The following CCDC93 variants were observed in gnomAD, a reference collection of about 807,000 sequenced individuals.
CCDC93 encodes CCC complex scaffolding subunit CCDC93, also known as coiled-coil domain-containing protein 93.
In CCDC93, 61 loss-of-function variants were observed where a neutral mutation model predicts 108.2. The ratio of observed to expected loss-of-function variants is 0.56; its 90% CI spans 0.46 to 0.70. CCDC93 has a LOEUF of 0.70. Ranked by LOEUF, CCDC93 falls within the 30% of genes least tolerant of loss-of-function variation. The pLI is 0.00. For missense variants in CCDC93, 685 were observed against 764.2 expected, an observed-to-expected ratio of 0.90 and a Z score of 1.22; for synonymous variants, 276 against 260.4, an observed-to-expected ratio of 1.06 and a Z score of -0.58.
chr2:117,980,113 T>G lies in CCDC93; in HGVS notation c.621-2083A>C, dbSNP rs1238114030. Among the ~76,000 whole-genome samples, 7 of 152,210 alleles carry G rather than the reference T, an allele frequency of 4.6e-5. No individual in the cohort carries two copies. The East Asian group carries it at 1.2e-3, about 25-fold the overall frequency. On this transcript the variant is annotated intron_variant, in intron 7 of 23. Transcript: ENST00000376300. ...AGCCGCTATAGCACCAGCTTCCCAA[T>G]CCTACAGGCTGCTAGCTAGCTTCCT...
chr2:117,958,407 G>A lies in CCDC93; in HGVS notation c.963C>T (p.Ser321=). ...TCTTTTGCGCAATCTGTTTGTTCAA[G>A]GAAATGACTTTCCGGCGATGTAGCT... ...TSQLHRRKVI[S]LNKQIAQKTK... is the part of the protein sequence containing the mutation. The change falls in exon 12 of 24, where the codon TCC becomes TCT. Residue 321 remains serine, a synonymous_variant. Transcript: ENST00000376300. 1 of 1,613,696 alleles carries A rather than the reference G, an allele frequency of 6.2e-7. No homozygotes were observed. Among genetic ancestry groups the A allele is most frequent in the East Asian group, 2.2e-5 (1 of 44,876 alleles).
intron 11 of CCDC93, among the ~76,000 whole-genome samples, chr2:117,963,360 T>C (rs1679455655): frequency 6.6e-6 from 1 of 152,224 alleles, no homozygotes; most frequent in Admixed American, 6.5e-5. Context: ...CTACAGCTCT[T>C]CCACCTGTCC....
intron 6 of CCDC93, among the ~76,000 whole-genome samples, chr2:117,987,066 A>G (rs1405703207): frequency 6.6e-6 from 1 of 152,198 alleles, no homozygotes; most frequent in East Asian, 1.9e-4. Flanking sequence ...ATTGACTCCA[A>G]AACAAGAGCA....
intron 11 of CCDC93, among the ~76,000 whole-genome samples, chr2:117,967,183 G>A (rs1573496779): frequency 6.6e-6 from 1 of 152,184 alleles, no homozygotes; most frequent in Non-Finnish European, 1.5e-5. Context: ...AGTAGAGACA[G>A]GGTTTCACCA....
intron 1 of CCDC93, 193 bp from the exon 2 acceptor site, chr2:118,008,851 T>C: frequency 3.6e-6 from 2 of 559,990 alleles, no homozygotes; most frequent in Non-Finnish European, 3.2e-6. Flanking sequence ...CACAAATGGG[T>C]CCGCGGTCCT....
intron 11 of CCDC93, among the ~76,000 whole-genome samples, chr2:117,972,006 G>A (rs72838016): frequency 0.053 from 8,045 of 152,240 alleles, 284 homozygotes; most frequent in Non-Finnish European, 0.082. Context: ...TGGGGGATTG[G>A]TTCAAAAACC....
chr2:117,925,789 C>G (rs1335401242), intron 23 of CCDC93, among the ~76,000 whole-genome samples: 2 of 152,206 alleles, frequency 1.3e-5, no homozygotes, highest in Non-Finnish European at 2.9e-5. Flanking sequence ...CTACAGAACT[C>G]TCCACCCCAA....
At chr2:118,005,801 G>A (rs1357508600) in intron 3 of CCDC93, among the ~76,000 whole-genome samples, 1 of 149,352 alleles carries the variant, frequency 6.7e-6, no homozygotes, top group African/African-American at 2.5e-5. Context: ...AAAGGCATAT[G>A]CTTCTTTTGT....
intron 21 of CCDC93, chr2:117,936,471 T>C (rs1210194489): frequency 6.4e-6 from 3 of 471,506 alleles, no homozygotes; most frequent in Non-Finnish European, 1.1e-5. Context: ...ATTTGAAAGT[T>C]AACTTTTTTC....
At chr2:117,944,776 A>C (rs1250378902) in intron 17 of CCDC93, 1 of 471,188 alleles carries the variant, frequency 2.1e-6, no homozygotes, top group Non-Finnish European at 4.4e-6. Flanking sequence ...ACTTCACTGG[A>C]AGAGTGCTGA....
chr2:117,942,724 T>C (rs916318421), intron 18 of CCDC93, among the ~76,000 whole-genome samples: 15 of 151,482 alleles, frequency 9.9e-5, no homozygotes, highest in Admixed American at 9.2e-4. Flanking sequence ...CTCTTCCACA[T>C]TCCACAGCCC....
intron 11 of CCDC93, among the ~76,000 whole-genome samples, chr2:117,959,212 T>A (rs953758435): frequency 3.9e-5 from 6 of 152,290 alleles, no homozygotes; most frequent in Middle Eastern, 3.4e-3. Flanking sequence ...AGTAAGCAGC[T>A]TAGTGTAGAT....
In CCDC93 at chr2:117,986,050, C is replaced by T. The variant is rs759191385; in HGVS notation, c.539G>A (p.Arg180Gln). The change falls in exon 7 of 24, where the codon CGG becomes CAG. Residue 180 changes from arginine (R) to glutamine (Q), a missense_variant. Coordinates refer to ENST00000376300, the MANE Select transcript of CCDC93 (RefSeq NM_019044.5). ...VDLSEVYKPR[R>Q]KYKRHQGAEE... Reference sequence around the variant, plus strand: ...TGCTCCCTGGTGGCGTTTGTATTTCCGACGGGGCTTGTACACTTCCTAAGT... The same window carrying T: ...TGCTCCCTGGTGGCGTTTGTATTTCTGACGGGGCTTGTACACTTCCTAAGT... 11 of 1,612,518 alleles carry T rather than the reference C, an allele frequency of 6.8e-6. No homozygotes were observed. Among genetic ancestry groups the T allele is most frequent in the Admixed American group, 1.7e-5 (1 of 59,942 alleles).
chr2:117,939,335 G>A (rs1205115470), intron 19 of CCDC93, among the ~76,000 whole-genome samples: 1 of 152,158 alleles, frequency 6.6e-6, no homozygotes, highest in African/African-American at 2.4e-5. Flanking sequence ...GTGACAGTGA[G>A]TACCCAAAGT....
intron 20 of CCDC93, 66 bp from the exon 21 acceptor site, chr2:117,936,805 G>C: frequency 8.0e-7 from 1 of 1,247,920 alleles, no homozygotes; most frequent in Non-Finnish European, 1.2e-6. Flanking sequence ...TACTGCAACT[G>C]CTGCAAGCTT....
At chr2:118,001,603 C>CGCCTCAGTCTTCCTCCAACACCTT (rs1306051544) in intron 3 of CCDC93, among the ~76,000 whole-genome samples, 25 of 152,164 alleles carry the variant, frequency 1.6e-4, no homozygotes, top group Admixed American at 1.6e-3. Context: ...TCTAACACCT[C>CGCCTCAGTCTTCCTCCAACACCTT]GCCTCAGTCT....
intron 2 of CCDC93, among the ~76,000 whole-genome samples, chr2:118,008,208 T>G (rs1472581926): frequency 6.6e-6 from 1 of 152,252 alleles, no homozygotes; most frequent in Non-Finnish European, 1.5e-5. Flanking sequence ...GCACGCTGAC[T>G]TGGGATAGCT....
rs1352281642 is a variant in CCDC93 at position 117,995,471 on chromosome 2, G to A, written c.494C>T (p.Ala165Val). 2 of 1,613,406 alleles carry A rather than the reference G, an allele frequency of 1.2e-6. No homozygotes were observed. Among genetic ancestry groups the A allele is most frequent in the Non-Finnish European group, 1.7e-6 (2 of 1,179,344 alleles). Residue 165 changes from alanine (A) to valine (V), a missense_variant, in exon 6 of 24, where the codon GCC becomes GTC. Transcript: ENST00000376300. Reference protein sequence around the residue: ...DDDFIKRKEKAIKTVVDLSEV... With the variant: ...DDDFIKRKEKVIKTVVDLSEV... ...TGAGAGGTCCACAACTGTCTTGATGGCCTTTTCTTTTCTCTTTATGAAGTC... is the reference window on the plus strand; with the variant it reads ...TGAGAGGTCCACAACTGTCTTGATGACCTTTTCTTTTCTCTTTATGAAGTC...
chr2:117,995,257 C>T, intron 6 of CCDC93, 189 bp downstream of exon 6: 1 of 605,400 alleles, frequency 1.7e-6, no homozygotes, highest in Non-Finnish European at 3.0e-6. Context: ...GGCAGGTTCT[C>T]CCTGTGCATA....
Sources: allele counts gnomAD v4.1 joint callset (sites outside exome capture counted in the v4.1 genomes callset), GRCh38; gene constraint gnomAD v4.1.1; transcripts MANE v1.5; gene names NCBI Gene and HGNC (gene_info 2026-07-23, HGNC 2026-07-21).